MAPK9: variants seen among roughly 807,000 people sequenced by gnomAD.
The protein encoded by MAPK9 is mitogen-activated protein kinase 9, also known as Jun kinase.
Under a neutral mutation model 57.1 loss-of-function variants are expected in MAPK9, and 30 were observed. The ratio of observed to expected loss-of-function variants is 0.53; its 90% confidence interval spans 0.39 to 0.71. The LOEUF (loss-of-function observed/expected upper bound fraction) is 0.71, where lower values mean the gene tolerates loss of function less well. Ranked by LOEUF, MAPK9 falls within the 30% of genes least tolerant of loss-of-function variation. The pLI is 0.00. For synonymous variants in MAPK9, 155 were observed against 177.0 expected, an observed-to-expected ratio of 0.88 and a Z score of 0.99; for missense variants, 362 against 521.0, an observed-to-expected ratio of 0.69 and a Z score of 2.97.
chr5:180,242,687 G>C lies in MAPK9; in HGVS notation c.757C>G (p.Gln253Glu). ...TCGACATAATTCCTCACAGTTGGCTGAAGTTTCTTCATGAACTCTGCTGAT... is the reference window on the plus strand; with the variant it reads ...TCGACATAATTCCTCACAGTTGGCTCAAGTTTCTTCATGAACTCTGCTGAT... The part of the protein sequence containing the change: ...TPSAEFMKKL[Q>E]PTVRNYVENR... Residue 253 changes from glutamine (Q) to glutamate (E), a missense_variant, in exon 8 of 12, where the codon CAG becomes GAG. Gln to Glu is a conservative substitution (Grantham distance 29). This residue lies in a region of MAPK9 where 199 missense variants were observed against 251.3 expected (regional missense o/e 0.79). Coordinates refer to ENST00000452135, the MANE Select transcript of MAPK9 (RefSeq NM_002752.5). 1.2e-6 allele frequency: 2 copies of C among 1,614,150 alleles called. No homozygotes were observed. Among genetic ancestry groups the C allele is most frequent in the Non-Finnish European group, 1.7e-6 (2 of 1,180,010 alleles).
intron 4 of MAPK9, among the ~76,000 whole-genome samples, chr5:180,264,504 T>C (rs1046009183): frequency 2.0e-5 from 3 of 152,206 alleles, no homozygotes; most frequent in Non-Finnish European, 2.9e-5. Context: ...AGAAAAACAT[T>C]TTATAGTTCA....
At chr5:180,277,943 A>G (rs539869362) in intron 2 of MAPK9, among the ~76,000 whole-genome samples, 2 of 152,276 alleles carry the variant, frequency 1.3e-5, no homozygotes, top group African/African-American at 4.8e-5. Flanking sequence ...CTATTAGAAC[A>G]TAAGATAGAA....
intron 5 of MAPK9, among the ~76,000 whole-genome samples, chr5:180,253,299 G>A (rs544335457): frequency 3.3e-5 from 5 of 152,280 alleles, no homozygotes; most frequent in Non-Finnish European, 5.9e-5. Flanking sequence ...GCCTCCTCCC[G>A]GCCAGTCCCT....
At chr5:180,251,584 A>T (rs1010502572) in intron 5 of MAPK9, among the ~76,000 whole-genome samples, 1 of 151,778 alleles carries the variant, frequency 6.6e-6, no homozygotes, top group Non-Finnish European at 1.5e-5. Context: ...GCACCCTGGG[A>T]CCCTCTCTAG....
rs934406621 is a variant in MAPK9, at chr5:180,234,639, C to T, written c.*1745G>A. The T allele has an allele frequency of 2.0e-5, 3 of 152,188 alleles. No individual in the cohort carries two copies. Among genetic ancestry groups the T allele is most frequent in the African/African-American group, 4.8e-5 (2 of 41,452 alleles). 9.4% of individuals were successfully genotyped at this position (152,188 alleles called of 1,614,324 possible). A position where few individuals can be genotyped will look rare whatever the true frequency, so the allele number is the denominator to read the frequency against. The stretch of plus-strand genomic sequence containing the variant: ...AAGTCTTTTAAAAGAAAGTGTATTA[C>T]AGAGAAGGCCATTTTAAGATGTTTA... On this transcript the variant is annotated 3_prime_UTR_variant, in exon 12 of 12. Coordinates refer to ENST00000452135, the MANE Select transcript of MAPK9 (RefSeq NM_002752.5).
intron 2 of MAPK9, chr5:180,279,715 AGTTCTGCCC>A: frequency 2.7e-6 from 1 of 375,642 alleles, no homozygotes; most frequent in South Asian, 1.9e-5. Flanking sequence ...GAAAAAAAAA[AGTTCTGCCC>A]AGAAAAATAA....
At chr5:180,248,806 T>C (rs1015618986) in intron 6 of MAPK9, among the ~76,000 whole-genome samples, 167 bp downstream of exon 6, 1 of 152,216 alleles carries the variant, frequency 6.6e-6, no homozygotes, top group African/African-American at 2.4e-5. Context: ...TTTTAACCAA[T>C]GGAAAAACAC....
intron 6 of MAPK9, 78 bp downstream of exon 6, chr5:180,248,895 G>A (rs756933814): frequency 8.2e-5 from 121 of 1,482,954 alleles, no homozygotes; most frequent in Non-Finnish European, 1.1e-4. Flanking sequence ...ATGGTTCAAA[G>A]GAAAGAGAAA....
In MAPK9 at chr5:180,280,341, T is replaced by A. The variant is rs1189292848; in HGVS notation, c.122+99A>T. 33 of 1,496,172 alleles carry A rather than the reference T, an allele frequency of 2.2e-5. 1 individual carries two copies. In the Admixed American group the frequency reaches 6.9e-4, roughly 31 times the overall value. The allele number at this position is 1,496,172 out of a possible 1,614,324, so 92.7% of individuals were successfully genotyped here. On this transcript the variant is annotated intron_variant, in intron 2 of 11. Coordinates refer to ENST00000452135, the MANE Select transcript of MAPK9 (RefSeq NM_002752.5). ...TAGCTCATAAACCTATAACAGAGTT[T>A]TTTTTTTAATCATCAATGTTTCTAA...
chr5:180,258,669 C>T (rs546707888), intron 5 of MAPK9, among the ~76,000 whole-genome samples: 1 of 152,068 alleles, frequency 6.6e-6, no homozygotes, highest in African/African-American at 2.4e-5. Flanking sequence ...GGGATAAAGG[C>T]TTCAGTCGGT....
chr5:180,267,803 C>T (rs1397164306), intron 3 of MAPK9, among the ~76,000 whole-genome samples: 1 of 133,578 alleles, frequency 7.5e-6, no homozygotes, highest in East Asian at 2.1e-4. Flanking sequence ...CAGAATGAGA[C>T]CCTGTCTCAA....
At chr5:180,276,997 CTCCAGCTCTTCCATTTAA>C (rs940684853) in intron 2 of MAPK9, among the ~76,000 whole-genome samples, 3 of 152,186 alleles carry the variant, frequency 2.0e-5, no homozygotes, top group African/African-American at 7.2e-5. Flanking sequence ...TTTCTTCTGG[CTCCAGCTCTTCCATTTAA>C]TCCTGTACAG....
intron 2 of MAPK9, 57 bp from the exon 3 acceptor site, chr5:180,269,466 A>G: frequency 2.7e-6 from 4 of 1,468,704 alleles, no homozygotes; most frequent in Non-Finnish European, 3.8e-6. Flanking sequence ...AAATACAGCA[A>G]TGCCAGAATA....
chr5:180,269,747 G>T (rs1429385962), intron 2 of MAPK9, among the ~76,000 whole-genome samples: 1 of 152,182 alleles, frequency 6.6e-6, no homozygotes, highest in Non-Finnish European at 1.5e-5. Flanking sequence ...GTTTAAACAT[G>T]ACAAGAAGTT....
chr5:180,273,596 T>C (rs1761557482), intron 2 of MAPK9, among the ~76,000 whole-genome samples: 2 of 152,240 alleles, frequency 1.3e-5, no homozygotes, highest in South Asian at 2.1e-4. Context: ...GACATTCTCC[T>C]ATATTATGTT....
At position 180,234,374 on chromosome 5, in the gene MAPK9, G is replaced by C. The variant is rs1757033471; in HGVS notation, c.*2010C>G. 1 of 152,216 alleles carries C rather than the reference G, an allele frequency of 6.6e-6. No individual in the cohort carries two copies. The highest frequency in any genetic ancestry group is 2.4e-5 in the African/African-American group (1 of 41,450). 9.4% of individuals were successfully genotyped at this position (152,216 alleles called of 1,614,324 possible). ...CTGTGGAGCCCTGTGGCCTGTCCTA[G>C]GCACGCTCGCCTCTACCTGGTGGAA... On this transcript the variant is annotated 3_prime_UTR_variant, in exon 12 of 12. Transcript: ENST00000452135.
At chr5:180,272,741 T>C (rs1198452199) in intron 2 of MAPK9, among the ~76,000 whole-genome samples, 2 of 152,238 alleles carry the variant, frequency 1.3e-5, no homozygotes, top group East Asian at 3.8e-4. Flanking sequence ...TCACATTACG[T>C]TGATAGATAT....
At chr5:180,270,560 T>G (rs567974645) in intron 2 of MAPK9, among the ~76,000 whole-genome samples, 1 of 152,200 alleles carries the variant, frequency 6.6e-6, no homozygotes, top group African/African-American at 2.4e-5. Context: ...ACTCAAGAAT[T>G]TGAAAATAGG....
chr5:180,288,088 T>C (rs1472429679), intron 1 of MAPK9, among the ~76,000 whole-genome samples: 1 of 152,118 alleles, frequency 6.6e-6, no homozygotes, highest in Non-Finnish European at 1.5e-5. Flanking sequence ...TCAGGGTACC[T>C]CTAGATAAGA....
Sources: allele counts gnomAD v4.1 joint callset (sites outside exome capture counted in the v4.1 genomes callset), GRCh38; gene constraint gnomAD v4.1.1; regional missense constraint gnomAD v4.1.1; transcripts MANE v1.5; gene names NCBI Gene and HGNC (gene_info 2026-07-23, HGNC 2026-07-21).